The following ETV6 variants were observed in gnomAD, a reference collection of about 807,000 sequenced individuals.
ETV6 encodes the protein transcription factor ETV6.
A neutral mutation model predicts 51.1 loss-of-function variants in ETV6; 16 were observed. The observed-to-expected ratio is 0.31, with a 90% CI of 0.21 to 0.48. The LOEUF (loss-of-function observed/expected upper bound fraction) is 0.48, where lower values mean the gene tolerates loss of function less well. ETV6 is among the 20% of genes least tolerant of loss of function. ETV6 has a pLI of 0.99. For synonymous variants in ETV6, 240 were observed against 224.1 expected (o/e 1.07, Z -0.64); for missense variants, 458 against 594.8 (o/e 0.77, Z 2.39).
rs1253524779 is a variant in ETV6, at chr12:11,891,540, G to C, written c.*494G>C. 1 of 534,912 alleles carries C rather than the reference G, an allele frequency of 1.9e-6. No homozygotes were observed. The highest frequency in any genetic ancestry group is 3.6e-6 in the Non-Finnish European group (1 of 275,574). 33.1% of individuals were successfully genotyped at this position (534,912 alleles called of 1,614,324 possible). A position where few individuals can be genotyped will look rare whatever the true frequency, so the allele number is the denominator to read the frequency against. The stretch of plus-strand genomic sequence containing the variant: ...AAGAGAATACTTGCAGAGGGGTTCA[G>C]GTTCCTCTTTTTCCTGCCACGTGGA... On this transcript the variant is annotated 3_prime_UTR_variant, in exon 8 of 8. Coordinates refer to ENST00000396373, the MANE Select transcript of ETV6 (RefSeq NM_001987.5).
rs1215683381 is a variant in ETV6 at position 11,877,057 on chromosome 12, A to G, written c.1009+7088A>G. Among the ~76,000 whole-genome samples, 5 of 152,192 alleles carry G rather than the reference A, an allele frequency of 3.3e-5. No individual in the cohort carries two copies. In the South Asian group the frequency reaches 1.0e-3, roughly 32 times the overall value. On this transcript the variant is annotated intron_variant, in intron 5 of 7. Coordinates refer to ENST00000396373, the MANE Select transcript of ETV6 (RefSeq NM_001987.5). The stretch of plus-strand genomic sequence containing the variant: ...GCTTATTTGTCACCCAACTAAAACA[A>G]TGTACTTTCTTGATTTGGTTTTATT...
At position 11,893,825 on chromosome 12, in the gene ETV6, TATATATATATATATATAC is replaced by T. The variant is rs1474083748; in HGVS notation, c.*2781_*2798del. On this transcript the variant is annotated 3_prime_UTR_variant, in exon 8 of 8. Transcript: ENST00000396373. ...ATATATATATATATATATATATATATATATATATATATATATACACACACACACACATACACAAATATT... is the reference window on the plus strand; with the variant it reads ...ATATATATATATATATATATATATATACACACACACACATACACAAATATT... The T allele has an allele frequency of 0.087, 10,773 of 123,998 alleles. 818 individuals are homozygous for T. Among genetic ancestry groups the T allele is most frequent in the Admixed American group, 0.12 (1,421 of 12,280 alleles). 7.7% of individuals were successfully genotyped at this position (123,998 alleles called of 1,614,324 possible).
rs1370913080 is a variant in ETV6 at position 11,891,915 on chromosome 12, G to A, written c.*869G>A. The A allele has an allele frequency of 4.0e-6, 1 of 249,558 alleles. No homozygotes were observed. Among genetic ancestry groups the A allele is most frequent in the Non-Finnish European group, 7.9e-6 (1 of 127,384 alleles). 15.5% of individuals were successfully genotyped at this position (249,558 alleles called of 1,614,324 possible). A position where few individuals can be genotyped will look rare whatever the true frequency, so the allele number is the denominator to read the frequency against. ...GCAGACAGATACATGCTAGTCCAGA[G>A]AGCCGCCCCTGAGATGGCTGTGAGA... On this transcript the variant is annotated 3_prime_UTR_variant, in exon 8 of 8. Transcript: ENST00000396373.
chr12:11,858,005 A>C (rs1334149378), intron 4 of ETV6, among the ~76,000 whole-genome samples: 2 of 152,252 alleles, frequency 1.3e-5, no homozygotes, highest in African/African-American at 4.8e-5. Context: ...GGTGTTGCTC[A>C]GAAGCGGGAG....
rs1255410352 is a variant in ETV6 at position 11,807,833 on chromosome 12, T to C, written c.164-31307T>C. ...TCCTTTTTGGAAAAAAGAATGTAGGTGGTATCAAATCACCCTTTCTCCTGG... is the reference window on the plus strand; with the variant it reads ...TCCTTTTTGGAAAAAAGAATGTAGGCGGTATCAAATCACCCTTTCTCCTGG... On this transcript the variant is annotated intron_variant, in intron 2 of 7. Transcript: ENST00000396373. Among the ~76,000 whole-genome samples the C allele has an allele frequency of 3.9e-5, 6 of 152,316 alleles. No homozygotes were observed. In the South Asian group the frequency reaches 6.2e-4, roughly 16 times the overall value.
At chr12:11,837,279 A>C (rs1354561546) in intron 2 of ETV6, among the ~76,000 whole-genome samples, 1 of 152,162 alleles carries the variant, frequency 6.6e-6, no homozygotes, top group Non-Finnish European at 1.5e-5. Context: ...TGAAATTCTA[A>C]TTTGTTTCCA....
intron 2 of ETV6, among the ~76,000 whole-genome samples, chr12:11,775,503 A>G (rs1464692274): frequency 6.6e-6 from 1 of 152,220 alleles, no homozygotes; most frequent in Non-Finnish European, 1.5e-5. Context: ...GCAAATATTA[A>G]CTGAGCACCT....
chr12:11,671,303 G>A (rs1864308939), intron 1 of ETV6, among the ~76,000 whole-genome samples: 1 of 152,156 alleles, frequency 6.6e-6, no homozygotes, highest in Non-Finnish European at 1.5e-5. Flanking sequence ...AAAAATAAAG[G>A]GCTGTGGCAA....
chr12:11,781,850 A>T (rs1945419428), intron 2 of ETV6, among the ~76,000 whole-genome samples: 1 of 152,036 alleles, frequency 6.6e-6, no homozygotes, highest in Non-Finnish European at 1.5e-5. Context: ...CTGTACCTTT[A>T]TGTTAATTAT....
chr12:11,862,359 C>T (rs896052603), intron 4 of ETV6, among the ~76,000 whole-genome samples: 2 of 152,132 alleles, frequency 1.3e-5, no homozygotes, highest in Admixed American at 6.5e-5. Flanking sequence ...AAAGGTTGAA[C>T]GTCAGGTAAC....
At chr12:11,858,093 A>G (rs1248608375) in intron 4 of ETV6, among the ~76,000 whole-genome samples, 2 of 152,202 alleles carry the variant, frequency 1.3e-5, no homozygotes, top group Non-Finnish European at 2.9e-5. Flanking sequence ...TGGCAGCAAG[A>G]GTAGCGTCAT....
In ETV6 at chr12:11,698,946, TCA is replaced by T. The variant is rs1165844698; in HGVS notation, c.33+48789_33+48790del. The stretch of plus-strand genomic sequence containing the variant: ...AGAGGTTATGTAACCTGCCTAAAGT[TCA>T]CAGACAGAAAGTGCACAGCCCAGAT... On this transcript the variant is annotated intron_variant, in intron 1 of 7. Coordinates refer to ENST00000396373, the MANE Select transcript of ETV6 (RefSeq NM_001987.5). 2.0e-5 allele frequency among the ~76,000 whole-genome samples: 3 copies of T among 152,186 alleles called. No individual in the cohort carries two copies. In the East Asian group the frequency reaches 5.8e-4, roughly 29 times the overall value.
chr12:11,769,800 T>A (rs1945215130), intron 2 of ETV6, among the ~76,000 whole-genome samples: 1 of 152,256 alleles, frequency 6.6e-6, no homozygotes, highest in African/African-American at 2.4e-5. Flanking sequence ...GTTGATTATT[T>A]ACTTCGTTTG....
At position 11,791,560 on chromosome 12, in the gene ETV6, G is replaced by T. The variant is rs574528224; in HGVS notation, c.163+38981G>T. On this transcript the variant is annotated intron_variant, in intron 2 of 7. Transcript: ENST00000396373. ...TAAGGTCGTGCATAAGGGACAAGTA[G>T]TTGTAGCTTTGTATTCGTGTCCAGT... Among the ~76,000 whole-genome samples the T allele has an allele frequency of 3.9e-5, 6 of 152,318 alleles. No individual in the cohort carries two copies. The South Asian group carries it at 1.2e-3, about 32-fold the overall frequency.
Position 11,892,949 on chromosome 12 carries a change from C to T in ETV6, c.*1903C>T, listed in dbSNP as rs765433895. On this transcript the variant is annotated 3_prime_UTR_variant, in exon 8 of 8. Transcript: ENST00000396373. Reference sequence around the variant, plus strand: ...TCTTATCAGAGCACAGGTAGACACACGGGCATAGCCAGCCCACTCCTACTG... The same window carrying T: ...TCTTATCAGAGCACAGGTAGACACATGGGCATAGCCAGCCCACTCCTACTG... 3.9e-5 allele frequency: 9 copies of T among 232,972 alleles called. No individual in the cohort carries two copies. The highest frequency in any genetic ancestry group is 3.6e-4 in the South Asian group (2 of 5,534). The allele number at this position is 232,972 out of a possible 1,614,324, so 14.4% of individuals were successfully genotyped here.
chr12:11,891,539 A>G lies in ETV6; in HGVS notation c.*493A>G, dbSNP rs1947287306. ...AAAGAGAATACTTGCAGAGGGGTTC[A>G]GGTTCCTCTTTTTCCTGCCACGTGG... is the stretch of plus-strand genomic sequence containing the variant. On this transcript the variant is annotated 3_prime_UTR_variant, in exon 8 of 8. Coordinates refer to ENST00000396373, the MANE Select transcript of ETV6 (RefSeq NM_001987.5). 1 of 534,458 alleles carries G rather than the reference A, an allele frequency of 1.9e-6. No homozygotes were observed. Among genetic ancestry groups the G allele is most frequent in the Non-Finnish European group, 3.6e-6 (1 of 275,298 alleles). 33.1% of individuals were successfully genotyped at this position (534,458 alleles called of 1,614,324 possible). A position where few individuals can be genotyped will look rare whatever the true frequency, so the allele number is the denominator to read the frequency against.
intron 1 of ETV6, among the ~76,000 whole-genome samples, chr12:11,696,442 C>G (rs951994703): frequency 1.3e-5 from 2 of 152,182 alleles, no homozygotes; most frequent in East Asian, 3.8e-4. Flanking sequence ...ATAGTGCCTA[C>G]TTCATGGAGT....
intron 1 of ETV6, among the ~76,000 whole-genome samples, chr12:11,705,768 T>C (rs74062393): frequency 0.014 from 2,159 of 152,284 alleles, 51 homozygotes; most frequent in African/African-American, 0.05. Context: ...GAGAAGGCAA[T>C]TGAGACAACC....
chr12:11,730,851 A>G (rs1173019010), intron 1 of ETV6, among the ~76,000 whole-genome samples: 1 of 152,210 alleles, frequency 6.6e-6, no homozygotes, highest in Non-Finnish European at 1.5e-5. Flanking sequence ...ATAATGTTCA[A>G]TTTATGCCTC....
Sources: allele counts gnomAD v4.1 joint callset (sites outside exome capture counted in the v4.1 genomes callset), GRCh38; gene constraint gnomAD v4.1.1; transcripts MANE v1.5; gene names NCBI Gene and HGNC (gene_info 2026-07-23, HGNC 2026-07-21).